ANKRD11: variants seen among roughly 807,000 people sequenced by gnomAD.
The protein encoded by ANKRD11 is ankyrin repeat domain 11, also known as ankyrin repeat domain-containing protein 11.
ANKRD11 carries 17 observed loss-of-function variants against 195.7 expected under a neutral mutation model. That is an observed-to-expected ratio of 0.09 (90% CI 0.06 to 0.13). The LOEUF (loss-of-function observed/expected upper bound fraction) is 0.13, where lower values mean the gene tolerates loss of function less well. Ranked by LOEUF, ANKRD11 falls within the 10% of genes least tolerant of loss-of-function variation. ANKRD11 has a pLI of 1.00. For missense variants in ANKRD11, 3,735 were observed against 3,566.1 expected (o/e 1.05, Z -1.21); for synonymous variants, 1,953 against 1,528.1 (o/e 1.28, Z -6.49).
At chr16:89,387,785 T>A (rs1314079354) in intron 2 of ANKRD11, among the ~76,000 whole-genome samples, 6 of 150,214 alleles carry the variant, frequency 4.0e-5, no homozygotes, top group Non-Finnish European at 7.4e-5. Flanking sequence ...GGTGAATCAT[T>A]TGAGGTCAGG....
intron 2 of ANKRD11, among the ~76,000 whole-genome samples, chr16:89,401,701 C>T (rs2041693910): frequency 6.6e-6 from 1 of 152,146 alleles, no homozygotes; most frequent in African/African-American, 2.4e-5. Flanking sequence ...GCAGATGATC[C>T]AGGTGAGATC....
intron 4 of ANKRD11, among the ~76,000 whole-genome samples, chr16:89,303,903 T>C (rs911051889): frequency 2.0e-5 from 3 of 152,242 alleles, no homozygotes; most frequent in African/African-American, 7.2e-5. Flanking sequence ...TTCCCCCATC[T>C]GCTCTCAAGC....
At chr16:89,320,444 C>T (rs1437619209) in intron 2 of ANKRD11, 1 of 152,206 alleles carries the variant, frequency 6.6e-6, no homozygotes, top group African/African-American at 2.4e-5. Flanking sequence ...GGGGCTGACT[C>T]ACGCCCTGTG....
intron 4 of ANKRD11, chr16:89,301,327 C>T (rs972102227): frequency 1.0e-5 from 4 of 386,414 alleles, no homozygotes; most frequent in Non-Finnish European, 1.8e-5. Flanking sequence ...AAAGTAGTAT[C>T]ATTTGAAGCA....
At chr16:89,300,278 G>A (rs956395377) in intron 4 of ANKRD11, 1 of 226,044 alleles carries the variant, frequency 4.4e-6, no homozygotes, top group Admixed American at 5.6e-5. Flanking sequence ...CACGCTTGGT[G>A]AGAAACTGCA....
In ANKRD11 at chr16:89,283,784, T is replaced by G; in HGVS notation, c.2758A>C (p.Arg920=). 6.2e-7 allele frequency: 1 copy of G among 1,613,658 alleles called. No homozygotes were observed. The highest frequency in any genetic ancestry group is 1.1e-5 in the South Asian group (1 of 91,082). ...TTATGCTTTTCGGTCTGCTCTTTCC[T>G]CTTCTCAGAGTTTTTATCCAAATAG... The part of the protein sequence containing the change: ...RDYLDKNSEK[R]KEQTEKHKSV... The change falls in exon 9 of 13, where the codon AGG becomes CGG. Residue 920 remains arginine, a synonymous_variant. Coordinates refer to ENST00000301030, the MANE Select transcript of ANKRD11 (RefSeq NM_013275.6). This position sits in a 1 kb window ranked among gnomAD's most constrained non-coding sequence, Gnocchi z 4.3.
intron 1 of ANKRD11, chr16:89,443,396 T>C (rs2043620575): frequency 6.6e-6 from 1 of 151,994 alleles, no homozygotes; most frequent in African/African-American, 2.4e-5. Flanking sequence ...AATGATGACA[T>C]GCAAATTTGT....
At chr16:89,395,564 A>G (rs1204521813) in intron 2 of ANKRD11, 2 of 152,242 alleles carry the variant, frequency 1.3e-5, no homozygotes, top group African/African-American at 4.8e-5. Flanking sequence ...GAGGGGACCA[A>G]TGGGCCATCA....
intron 1 of ANKRD11, among the ~76,000 whole-genome samples, chr16:89,446,407 C>G (rs370588509): frequency 7.9e-5 from 12 of 152,254 alleles, no homozygotes; most frequent in Admixed American, 2.6e-4. Context: ...AGTTCGAGAC[C>G]AGCCTGGTCA....
chr16:89,464,209 A>G (rs1429819590), intron 1 of ANKRD11, among the ~76,000 whole-genome samples: 1 of 152,072 alleles, frequency 6.6e-6, no homozygotes, highest in Admixed American at 6.6e-5. Flanking sequence ...ACTGCACTCC[A>G]GCCTGGGTGA....
Position 89,283,179 on chromosome 16 carries a change from A to G in ANKRD11, c.3363T>C (p.Asp1121=), listed in dbSNP as rs146897971. The stretch of plus-strand genomic sequence containing the variant: ...AGCTGTCTCTGTCGTCCTCACTCTC[A>G]TCTGTGAAGATGTCTGCGATGTACC... The part of the protein sequence containing the change: ...KSWYIADIFT[D]ESEDDRDSCM... Residue 1121 remains aspartate, a synonymous_variant, in exon 9 of 13, where the codon GAT becomes GAC. Coordinates refer to ENST00000301030, the MANE Select transcript of ANKRD11 (RefSeq NM_013275.6). This position sits in a 1 kb window ranked among gnomAD's most constrained non-coding sequence, Gnocchi z 4.3. 391 of 1,613,116 alleles carry G rather than the reference A, an allele frequency of 2.4e-4. No individual in the cohort carries two copies. The highest frequency in any genetic ancestry group is 3.2e-4 in the Non-Finnish European group (379 of 1,179,810).
chr16:89,277,163 G>T (rs1341781120), intron 9 of ANKRD11, among the ~76,000 whole-genome samples: 1 of 152,212 alleles, frequency 6.6e-6, no homozygotes, highest in Admixed American at 6.5e-5. Flanking sequence ...CAGCCCCCCA[G>T]TGAGGGTTCT....
At chr16:89,398,763 A>G (rs1006306220) in intron 2 of ANKRD11, among the ~76,000 whole-genome samples, 3 of 151,992 alleles carry the variant, frequency 2.0e-5, no homozygotes, top group Non-Finnish European at 2.9e-5. Context: ...AAATCCCAAT[A>G]CACTGTTAGT....
chr16:89,401,936 A>G (rs1298074075), intron 2 of ANKRD11, among the ~76,000 whole-genome samples: 3 of 145,092 alleles, frequency 2.1e-5, no homozygotes, highest in African/African-American at 7.5e-5. Flanking sequence ...CCTGGAGCAG[A>G]TGCCCGCCCC....
At chr16:89,481,385 T>G (rs1457124809) in intron 1 of ANKRD11, among the ~76,000 whole-genome samples, 1 of 152,046 alleles carries the variant, frequency 6.6e-6, no homozygotes, top group Non-Finnish European at 1.5e-5. Context: ...CTAAGAAACA[T>G]AGCGAAACCC....
chr16:89,434,563 C>A (rs969974331), intron 1 of ANKRD11, among the ~76,000 whole-genome samples: 2 of 152,194 alleles, frequency 1.3e-5, no homozygotes, highest in African/African-American at 2.4e-5. Context: ...CAGAAGCATG[C>A]GGCTGGTCAG....
At chr16:89,355,483 T>G (rs1398862245) in intron 2 of ANKRD11, among the ~76,000 whole-genome samples, 1 of 152,118 alleles carries the variant, frequency 6.6e-6, no homozygotes, top group Non-Finnish European at 1.5e-5. Flanking sequence ...TCAAAGCCAT[T>G]TCAAAGTGCT....
chr16:89,276,001 G>T (rs570202625), intron 9 of ANKRD11, among the ~76,000 whole-genome samples: 1 of 152,328 alleles, frequency 6.6e-6, no homozygotes, highest in South Asian at 2.1e-4. Context: ...CGGGGCCACA[G>T]CAGTCGTACC....
chr16:89,397,229 G>C (rs1273966892), intron 2 of ANKRD11, among the ~76,000 whole-genome samples: 1 of 152,142 alleles, frequency 6.6e-6, no homozygotes, highest in Non-Finnish European at 1.5e-5. Flanking sequence ...TGGGTGAGGG[G>C]AGCACGGGAG....
Sources: gnomAD v4.1 joint callset for allele counts (sites outside exome capture counted in the v4.1 genomes callset) on GRCh38, gnomAD v4.1.1 for gene constraint, Gnocchi (gnomAD v3.1) non-coding constraint, MANE v1.5 for transcripts, NCBI Gene and HGNC (gene_info 2026-07-23, HGNC 2026-07-21) for gene names.